Variants in SAMD12 observed in about 807,000 individuals in gnomAD.
SAMD12 encodes the protein sterile alpha motif domain containing 12.
A neutral mutation model predicts 15.0 loss-of-function variants in SAMD12; 9 were observed. That is an observed-to-expected ratio of 0.60 (90% CI 0.36 to 1.05). The LOEUF (loss-of-function observed/expected upper bound fraction) is 1.05, where lower values mean the gene tolerates loss of function less well. Ranked by LOEUF, SAMD12 falls within the 50% of genes least tolerant of loss-of-function variation. The probability of loss-of-function intolerance (pLI) is 0.01; values close to 1 mark genes in which losing one functional copy is unlikely to be tolerated. For missense variants in SAMD12, 230 were observed against 234.2 expected, an observed-to-expected ratio of 0.98 and a Z score of 0.12; for synonymous variants, 86 against 90.1, an observed-to-expected ratio of 0.96 and a Z score of 0.25.
At chr8:118,612,403 C>T (rs1202633611) in intron 1 of SAMD12, among the ~76,000 whole-genome samples, 1 of 152,206 alleles carries the variant, frequency 6.6e-6, no homozygotes, top group East Asian at 1.9e-4. Context: ...TATATCCATG[C>T]TTGATGTCTG....
At chr8:118,576,595 C>G (rs1342072145) in intron 2 of SAMD12, among the ~76,000 whole-genome samples, 4 of 152,116 alleles carry the variant, frequency 2.6e-5, no homozygotes, top group Non-Finnish European at 5.9e-5. Context: ...GCTAGAGTAC[C>G]CTCCCTTGCA....
At chr8:118,210,186 C>T (rs1819980944) in intron 4 of SAMD12, among the ~76,000 whole-genome samples, 1 of 152,230 alleles carries the variant, frequency 6.6e-6, no homozygotes, top group Non-Finnish European at 1.5e-5. Context: ...GTGAAACCCT[C>T]ATGTGCCAAG....
chr8:118,410,270 G>A (rs1265961035), intron 3 of SAMD12, among the ~76,000 whole-genome samples: 2 of 152,148 alleles, frequency 1.3e-5, no homozygotes, highest in African/African-American at 2.4e-5. Context: ...AAGGGAGAGA[G>A]TTGTCCTATT....
chr8:118,395,818 C>T (rs1563826318), intron 3 of SAMD12, among the ~76,000 whole-genome samples: 4 of 151,542 alleles, frequency 2.6e-5, no homozygotes, highest in Admixed American at 2.0e-4. Flanking sequence ...ATTAGCCGGG[C>T]GTGGTGGCGG....
At chr8:118,445,344 T>C (rs1482827204) in intron 2 of SAMD12, among the ~76,000 whole-genome samples, 3 of 152,176 alleles carry the variant, frequency 2.0e-5, no homozygotes. Context: ...AATCCTTTCA[T>C]GGAAAGAGGT....
intron 3 of SAMD12, among the ~76,000 whole-genome samples, chr8:118,405,423 A>C (rs1357294310): frequency 1.3e-5 from 2 of 152,070 alleles, no homozygotes; most frequent in Admixed American, 6.5e-5. Context: ...ACGAAATGTT[A>C]AGTGGAAAAA....
intron 4 of SAMD12, among the ~76,000 whole-genome samples, chr8:118,357,246 A>G (rs1177746932): frequency 1.3e-5 from 2 of 152,166 alleles, no homozygotes; most frequent in African/African-American, 2.4e-5. Context: ...GATTTTATTT[A>G]TATTTTTTTC....
chr8:118,553,115 T>C lies in SAMD12; in HGVS notation c.192+27600A>G, dbSNP rs535548890. Among the ~76,000 whole-genome samples the C allele has an allele frequency of 5.9e-3, 890 of 151,510 alleles. 2 individuals are homozygous for C. Among genetic ancestry groups the C allele is most frequent in the African/African-American group, 0.02 (827 of 41,416 alleles). Reference sequence around the variant, plus strand: ...AAAATGGCCATACTGCCCAAGGTAATTTACAGATTCAATGCCATCCCCATC... The same window carrying C: ...AAAATGGCCATACTGCCCAAGGTAACTTACAGATTCAATGCCATCCCCATC... On this transcript the variant is annotated intron_variant, in intron 2 of 3. Coordinates refer to ENST00000314727, the MANE Select transcript of SAMD12 (RefSeq NM_207506.3).
At chr8:118,236,868 C>T (rs1173528652) in intron 4 of SAMD12, among the ~76,000 whole-genome samples, 1 of 152,186 alleles carries the variant, frequency 6.6e-6, no homozygotes, top group Admixed American at 6.5e-5. Context: ...TAAAGTCATG[C>T]TGCAAAAAGT....
intron 4 of SAMD12, among the ~76,000 whole-genome samples, chr8:118,256,686 A>T (rs1812947561): frequency 6.6e-6 from 1 of 151,922 alleles, no homozygotes; most frequent in Non-Finnish European, 1.5e-5. Context: ...CTCTTAAATC[A>T]CATATATGTA....
At chr8:118,451,465 T>C (rs549151221) in intron 2 of SAMD12, among the ~76,000 whole-genome samples, 3 of 152,192 alleles carry the variant, frequency 2.0e-5, no homozygotes. Context: ...AATAGGGCAA[T>C]GCTAATCTCT....
rs372378457 is a variant in SAMD12, at chr8:118,290,423, A to C, written c.433+89137T>G. Reference sequence around the variant, plus strand: ...TCTTGAACCATGGAACCCACCATACAGTAAGTGGGCTGGAATAAACAATGG... The same window carrying C: ...TCTTGAACCATGGAACCCACCATACCGTAAGTGGGCTGGAATAAACAATGG... On this transcript the variant is annotated intron_variant, in intron 4 of 4. Transcript: ENST00000409003. Among the ~76,000 whole-genome samples, 4 of 152,336 alleles carry C rather than the reference A, an allele frequency of 2.6e-5. No individual in the cohort carries two copies. The East Asian group carries it at 5.8e-4, about 22-fold the overall frequency.
intron 1 of SAMD12, among the ~76,000 whole-genome samples, chr8:118,602,808 G>A (rs1214619250): frequency 6.6e-6 from 1 of 152,038 alleles, no homozygotes; most frequent in African/African-American, 2.4e-5. Context: ...AAAAATATGA[G>A]CAAAGTCTCT....
intron 4 of SAMD12, among the ~76,000 whole-genome samples, chr8:118,355,879 C>G (rs2130616705): frequency 6.6e-6 from 1 of 152,310 alleles, no homozygotes; most frequent in Middle Eastern, 3.4e-3. Flanking sequence ...GACAAAAAAT[C>G]TAGCATGTGT....
intron 2 of SAMD12, among the ~76,000 whole-genome samples, chr8:118,489,231 C>G (rs1824370195): frequency 6.6e-6 from 1 of 152,082 alleles, no homozygotes; most frequent in African/African-American, 2.4e-5. Context: ...TCTTTATATA[C>G]TCTGGATATA....
intron 4 of SAMD12, among the ~76,000 whole-genome samples, chr8:118,199,327 C>T (rs17507264): frequency 0.038 from 5,849 of 152,214 alleles, 237 homozygotes; most frequent in African/African-American, 0.1. Flanking sequence ...AAGAGAAACA[C>T]TTCAGTATTT....
chr8:118,483,777 T>C lies in SAMD12; in HGVS notation c.193-43816A>G, dbSNP rs1824197151. On this transcript the variant is annotated intron_variant, in intron 2 of 3. Coordinates refer to ENST00000314727, the MANE Select transcript of SAMD12 (RefSeq NM_207506.3). ...TCTGCCAGGATCTTTGGCATACTATTTGTGCTTTAATTTTTAGAATAACAC... is the reference window on the plus strand; with the variant it reads ...TCTGCCAGGATCTTTGGCATACTATCTGTGCTTTAATTTTTAGAATAACAC... Among the ~76,000 whole-genome samples, 4 of 152,320 alleles carry C rather than the reference T, an allele frequency of 2.6e-5. No homozygotes were observed. The South Asian group carries it at 6.2e-4, about 24-fold the overall frequency.
intron 1 of SAMD12, among the ~76,000 whole-genome samples, chr8:118,593,700 T>C (rs1430837308): frequency 1.3e-5 from 2 of 152,178 alleles, no homozygotes; most frequent in African/African-American, 2.4e-5. Context: ...TTAAAGTCAA[T>C]GTGTTTTTTT....
At chr8:118,205,922 A>G (rs1258301600) in intron 4 of SAMD12, among the ~76,000 whole-genome samples, 5 of 151,946 alleles carry the variant, frequency 3.3e-5, no homozygotes, top group African/African-American at 7.3e-5. Flanking sequence ...GCCCTTGGGG[A>G]AAAAAAAGGA....
Sources: allele counts gnomAD v4.1 joint callset (sites outside exome capture counted in the v4.1 genomes callset), GRCh38; gene constraint gnomAD v4.1.1; transcripts MANE v1.5; gene names NCBI Gene and HGNC (gene_info 2026-07-23, HGNC 2026-07-21).